PCNX1: variants seen among roughly 807,000 people sequenced by gnomAD.
PCNX1 encodes the protein pecanex-like protein 1.
Under a neutral mutation model 242.2 loss-of-function variants are expected in PCNX1, and 78 were observed. That is an observed-to-expected ratio of 0.32 (90% CI 0.27 to 0.39). The LOEUF (loss-of-function observed/expected upper bound fraction) is 0.39. PCNX1 is among the 10% of genes least tolerant of loss of function. The pLI is 1.00. For missense variants in PCNX1, 2,581 were observed against 2,856.5 expected (o/e 0.90, Z 2.20); for synonymous variants, 1,024 against 1,032.9 (o/e 0.99, Z 0.17).
intron 3 of PCNX1, 145 bp downstream of exon 3, chr14:70,962,476 ATAT>A (rs2058251377): frequency 5.4e-6 from 3 of 556,574 alleles, no homozygotes; most frequent in Non-Finnish European, 6.4e-6. Flanking sequence ...TCTTTTATTA[ATAT>A]TCTTTTTAAG....
rs762387296 is a variant in PCNX1 at position 71,046,992 on chromosome 14, A to G, written c.4047A>G (p.Lys1349=). 2 of 1,610,276 alleles carry G rather than the reference A, an allele frequency of 1.2e-6. No individual in the cohort carries two copies. The highest frequency in any genetic ancestry group is 3.3e-5 in the Admixed American group (2 of 59,938). The change falls in exon 21 of 36, where the codon AAA becomes AAG. Residue 1349 remains lysine, a synonymous_variant. Transcript: ENST00000304743. Reference sequence around the variant, plus strand: ...CAGCCACTATGATGTGGTTTGAGAAACTTCATGTGTGGCTTCTTTTTGTGG... The same window carrying G: ...CAGCCACTATGATGTGGTTTGAGAAGCTTCATGTGTGGCTTCTTTTTGTGG... ...RNAATMMWFE[K]LHVWLLFVEK... is the part of the protein sequence containing the mutation.
intron 26 of PCNX1, among the ~76,000 whole-genome samples, chr14:71,066,386 G>A (rs1238554702): frequency 6.6e-6 from 1 of 152,156 alleles, no homozygotes; most frequent in East Asian, 1.9e-4. Context: ...TTGTGAATGG[G>A]AGTTCACTTA....
intron 1 of PCNX1, among the ~76,000 whole-genome samples, chr14:70,937,772 A>G (rs2057069800): frequency 6.6e-6 from 1 of 152,112 alleles, no homozygotes; most frequent in Admixed American, 6.5e-5. Context: ...ATGAGCATGG[A>G]ATGTTCTTCC....
In PCNX1 at chr14:70,968,199, T is replaced by C; in HGVS notation, c.470T>C (p.Ile157Thr). 6.2e-7 allele frequency: 1 copy of C among 1,611,894 alleles called. No homozygotes were observed. Among genetic ancestry groups the C allele is most frequent in the Non-Finnish European group, 8.5e-7 (1 of 1,178,030 alleles). ...SYAGLDPSNQ[I>T]GSGSSRLGTA... Reference sequence around the variant, plus strand: ...ATTTACTTCATGTCACGTTTTCAGATTGGATCTGGTTCCTCGCGTCTTGGA... The same window carrying C: ...ATTTACTTCATGTCACGTTTTCAGACTGGATCTGGTTCCTCGCGTCTTGGA... The change falls in exon 4 of 36, where the codon ATT becomes ACT. Residue 157 changes from isoleucine to threonine, a missense_variant and splice_region_variant. By Grantham distance (89) the Ile-to-Thr change is moderately conservative. Coordinates refer to ENST00000304743, the MANE Select transcript of PCNX1 (RefSeq NM_014982.3).
At position 71,114,782 on chromosome 14, in the gene PCNX1, C is replaced by CTGAG. The variant is rs767558156; in HGVS notation, c.*4849_*4852dup. 1.3e-5 allele frequency: 2 copies of CTGAG among 152,532 alleles called. No homozygotes were observed. The highest frequency in any genetic ancestry group is 2.1e-4 in the South Asian group (1 of 4,820). 9.4% of individuals were successfully genotyped at this position (152,532 alleles called of 1,614,324 possible). ...CTAACACTGTGATGGGGATGAATTC[C>CTGAG]TGAGTTTTACCTGCACAATGAGGTG... On this transcript the variant is annotated 3_prime_UTR_variant, in exon 36 of 36. Transcript: ENST00000304743.
At chr14:71,012,838 AG>A in intron 10 of PCNX1, 146 bp from the exon 11 acceptor site, 1 of 613,920 alleles carries the variant, frequency 1.6e-6, no homozygotes, top group Non-Finnish European at 2.8e-6. Flanking sequence ...AAAAAAAAAA[AG>A]TGTATGAGAG....
At chr14:70,922,907 C>T (rs2056435412) in intron 1 of PCNX1, among the ~76,000 whole-genome samples, 1 of 151,942 alleles carries the variant, frequency 6.6e-6, no homozygotes, top group Non-Finnish European at 1.5e-5. Context: ...CTAGATGTTG[C>T]CAAATAATAC....
intron 30 of PCNX1, among the ~76,000 whole-genome samples, chr14:71,099,424 C>T (rs1310633367): frequency 6.6e-6 from 1 of 152,186 alleles, no homozygotes; most frequent in Admixed American, 6.5e-5. Flanking sequence ...TCCCAAAGTC[C>T]TGGGATTACA....
At chr14:70,940,437 G>T (rs1357450131) in intron 1 of PCNX1, among the ~76,000 whole-genome samples, 1 of 152,218 alleles carries the variant, frequency 6.6e-6, no homozygotes, top group Non-Finnish European at 1.5e-5. Flanking sequence ...TTTTCTTTAA[G>T]AATGTTGAAT....
intron 1 of PCNX1, among the ~76,000 whole-genome samples, chr14:70,936,454 A>G (rs1015861128): frequency 2.0e-5 from 3 of 152,222 alleles, no homozygotes; most frequent in Non-Finnish European, 2.9e-5. Flanking sequence ...TACAAAGGAC[A>G]TGAACTCATC....
chr14:71,109,544 G>A lies in PCNX1; in HGVS notation c.6837G>A (p.Gly2279=). The change falls in exon 35 of 36, where the codon GGG becomes GGA. Residue 2279 remains glycine (G), a synonymous_variant. Coordinates refer to ENST00000304743, the MANE Select transcript of PCNX1 (RefSeq NM_014982.3). ...WPDEGIRLKA[G]RNSWKDWSPQ... ...ATGAAGGAATCCGGTTAAAAGCTGG[G>A]AGAAATAGCTGGAAAGACTGGAGTC... 1.2e-6 allele frequency: 2 copies of A among 1,614,154 alleles called. No homozygotes were observed. The highest frequency in any genetic ancestry group is 1.7e-6 in the Non-Finnish European group (2 of 1,180,008).
chr14:70,987,288 T>C (rs1250622557), intron 6 of PCNX1, among the ~76,000 whole-genome samples: 1 of 152,256 alleles, frequency 6.6e-6, no homozygotes, highest in Admixed American at 6.5e-5. Context: ...TGTCCAGTAA[T>C]GGTAACCACT....
chr14:70,982,946 C>A (rs1566657287), intron 6 of PCNX1, among the ~76,000 whole-genome samples: 1 of 152,144 alleles, frequency 6.6e-6, no homozygotes, highest in East Asian at 1.9e-4. Flanking sequence ...CTGTCAGACT[C>A]CAATGAGCTT....
Position 70,978,585 on chromosome 14 carries a change from A to G in PCNX1, c.2248A>G (p.Arg750Gly). Residue 750 changes from arginine (R) to glycine (G), a missense_variant, in exon 6 of 36, where the codon AGG becomes GGG. Coordinates refer to ENST00000304743, the MANE Select transcript of PCNX1 (RefSeq NM_014982.3). ...ASQLETVTRS[R>G]NSLPNQVAFP... ...CCAGTTAGAGACAGTCACTCGATCT[A>G]GGAATAGCTTGCCAAACCAGGTTGC... The G allele has an allele frequency of 1.2e-6, 2 of 1,614,102 alleles. No individual in the cohort carries two copies. Among genetic ancestry groups the G allele is most frequent in the Middle Eastern group, 3.3e-4 (2 of 6,062 alleles).
chr14:71,026,710 C>T (rs2060252504), intron 14 of PCNX1, 62 bp from the exon 15 acceptor site: 14 of 687,044 alleles, frequency 2.0e-5, no homozygotes, highest in Middle Eastern at 4.0e-4. Context: ...TATGACCTCT[C>T]AGTGGACACA....
At chr14:71,052,168 A>G (rs1158403732) in intron 24 of PCNX1, among the ~76,000 whole-genome samples, 156 bp downstream of exon 24, 3 of 152,126 alleles carry the variant, frequency 2.0e-5, no homozygotes, top group South Asian at 2.1e-4. Context: ...TTTGAAAAGT[A>G]TATAAAAGAA....
At chr14:70,910,226 T>TCCCCCTCCCCCTCCC in intron 1 of PCNX1, among the ~76,000 whole-genome samples, 1 of 82,570 alleles carries the variant, frequency 1.2e-5, no homozygotes, top group East Asian at 3.5e-4. Context: ...CTCCTCCTCC[T>TCCCCCTCCCCCTCCC]CCTCTCACCA....
chr14:71,059,409 G>C (rs899134645), intron 26 of PCNX1, among the ~76,000 whole-genome samples: 1 of 151,572 alleles, frequency 6.6e-6, no homozygotes, highest in Non-Finnish European at 1.5e-5. Flanking sequence ...AAGAGACAGG[G>C]GTCTCGCTCT....
chr14:70,985,794 A>G (rs2140217812), intron 6 of PCNX1, among the ~76,000 whole-genome samples: 2 of 152,284 alleles, frequency 1.3e-5, no homozygotes, highest in Middle Eastern at 6.8e-3. Context: ...AATTAATTTC[A>G]TTCTTCTTTG....
Sources: gnomAD v4.1 joint callset for allele counts (sites outside exome capture counted in the v4.1 genomes callset) on GRCh38, gnomAD v4.1.1 for gene constraint, MANE v1.5 for transcripts, NCBI Gene and HGNC (gene_info 2026-07-23, HGNC 2026-07-21) for gene names.